Variants in PKP4 observed in about 807,000 individuals in gnomAD.
PKP4 encodes plakophilin-4.
A neutral mutation model predicts 145.1 loss-of-function variants in PKP4; 90 were observed. That is an observed-to-expected ratio of 0.62 (90% confidence interval 0.52 to 0.74). The LOEUF (loss-of-function observed/expected upper bound fraction) is 0.74, where lower values mean the gene tolerates loss of function less well. Ranked by LOEUF, PKP4 falls within the 30% of genes least tolerant of loss-of-function variation. The probability of loss-of-function intolerance (pLI) is 0.00; values close to 1 mark genes in which losing one functional copy is unlikely to be tolerated. For missense variants in PKP4, 1,340 were observed against 1,482.7 expected, an observed-to-expected ratio of 0.90 and a Z score of 1.58; for synonymous variants, 563 against 577.2, an observed-to-expected ratio of 0.98 and a Z score of 0.35.
chr2:158,492,942 A>T (rs1695160610), intron 1 of PKP4, among the ~76,000 whole-genome samples: 1 of 151,870 alleles, frequency 6.6e-6, no homozygotes, highest in Non-Finnish European at 1.5e-5. Context: ...TTTCCTCCCT[A>T]CCTAATAATA....
intron 3 of PKP4, among the ~76,000 whole-genome samples, chr2:158,580,907 A>G (rs1015411482): frequency 1.3e-5 from 2 of 152,156 alleles, no homozygotes; most frequent in African/African-American, 4.8e-5. Context: ...TTCCCTGTGC[A>G]TGTTAGCTGC....
intron 1 of PKP4, among the ~76,000 whole-genome samples, chr2:158,472,299 T>TGTAAAA (rs1164277813): frequency 4.4e-5 from 1 of 22,870 alleles, no homozygotes; most frequent in Non-Finnish European, 1.1e-4. Context: ...TTCTAAAAAA[T>TGTAAAA]TTAAAATGAA....
At chr2:158,531,489 G>A (rs568391603) in intron 1 of PKP4, among the ~76,000 whole-genome samples, 26 of 152,050 alleles carry the variant, frequency 1.7e-4, no homozygotes, top group Non-Finnish European at 2.9e-4. Context: ...GGATCTTTGT[G>A]TAGCATTTTT....
intron 2 of PKP4, among the ~76,000 whole-genome samples, chr2:158,552,877 T>TA (rs2045753177): frequency 6.6e-6 from 1 of 152,190 alleles, no homozygotes; most frequent in African/African-American, 2.4e-5. Context: ...AATAAGCACA[T>TA]ATTGTTGGAA....
intron 4 of PKP4, among the ~76,000 whole-genome samples, chr2:158,618,441 AAAT>A (rs1210265806): frequency 1.3e-5 from 2 of 152,150 alleles, no homozygotes; most frequent in Non-Finnish European, 2.9e-5. Flanking sequence ...TTGCATTAAA[AAAT>A]ATATGAAACA....
intron 9 of PKP4, among the ~76,000 whole-genome samples, chr2:158,638,495 C>T (rs546819708): frequency 6.6e-6 from 1 of 152,264 alleles, no homozygotes; most frequent in East Asian, 1.9e-4. Flanking sequence ...CTGCTGTTAT[C>T]CTGCCTCCCT....
intron 2 of PKP4, among the ~76,000 whole-genome samples, chr2:158,576,650 A>C (rs1169008586): frequency 2.0e-5 from 3 of 152,206 alleles, no homozygotes; most frequent in Non-Finnish European, 2.9e-5. Flanking sequence ...TATATTTTAA[A>C]TTCTATGTTA....
chr2:158,471,838 ACTT>A (rs1249216504), intron 1 of PKP4, among the ~76,000 whole-genome samples: 2 of 152,204 alleles, frequency 1.3e-5, no homozygotes, highest in African/African-American at 4.8e-5. Flanking sequence ...GCATTTAAAC[ACTT>A]CTGATTATTG....
rs190746355 is a variant in PKP4 at position 158,469,174 on chromosome 2, C to G, written c.-6+11956C>G. On this transcript the variant is annotated intron_variant, in intron 1 of 21. Coordinates refer to ENST00000389759, the MANE Select transcript of PKP4 (RefSeq NM_003628.6). ...GGGTGATCTCAGCTCACTGCAACCT[C>G]TGCCTCCTGGGTTCAAGCTATTCTC... 1.5e-3 allele frequency among the ~76,000 whole-genome samples: 228 copies of G among 152,118 alleles called. 2 individuals are homozygous for G. The highest frequency in any genetic ancestry group is 5.3e-3 in the African/African-American group (221 of 41,510).
chr2:158,577,641 A>G (rs1437499765), intron 3 of PKP4, among the ~76,000 whole-genome samples: 1 of 152,194 alleles, frequency 6.6e-6, no homozygotes, highest in Non-Finnish European at 1.5e-5. Context: ...TCATATGTAC[A>G]CACAGTTAAT....
chr2:158,639,341 T>C (rs75417018), intron 9 of PKP4, among the ~76,000 whole-genome samples: 4,513 of 151,834 alleles, frequency 0.03, 200 homozygotes, highest in East Asian at 0.18. Flanking sequence ...TGTGTGTGTG[T>C]GCGTGCGTGT....
At chr2:158,645,196 A>C (rs2528577) in intron 11 of PKP4, among the ~76,000 whole-genome samples, 117,458 of 152,192 alleles carry the variant, frequency 0.77, 48,479 homozygotes, top group East Asian at 0.97. Context: ...TTAATGCTTT[A>C]GCGCTTCTAA....
chr2:158,633,661 G>A (rs1389033040), intron 8 of PKP4, among the ~76,000 whole-genome samples: 1 of 152,158 alleles, frequency 6.6e-6, no homozygotes, highest in Non-Finnish European at 1.5e-5. Context: ...AGTAACCTGG[G>A]TACACGAAGT....
chr2:158,488,493 G>A (rs1387734098), intron 1 of PKP4, among the ~76,000 whole-genome samples: 1 of 152,072 alleles, frequency 6.6e-6, no homozygotes, highest in African/African-American at 2.4e-5. Context: ...TCTAAATAAT[G>A]TGGGGAAGCA....
intron 1 of PKP4, among the ~76,000 whole-genome samples, chr2:158,464,008 G>A (rs935870377): frequency 7.2e-5 from 11 of 152,114 alleles, no homozygotes; most frequent in Non-Finnish European, 1.2e-4. Context: ...CCTGACTTCT[G>A]GGACTTACTT....
intron 1 of PKP4, among the ~76,000 whole-genome samples, chr2:158,518,848 G>A (rs916232187): frequency 6.6e-6 from 1 of 152,174 alleles, no homozygotes; most frequent in Non-Finnish European, 1.5e-5. Context: ...TTGAGAAGGT[G>A]TCTGATGCTA....
At chr2:158,470,699 A>C (rs572617463) in intron 1 of PKP4, among the ~76,000 whole-genome samples, 196 of 152,328 alleles carry the variant, frequency 1.3e-3, no homozygotes, top group Non-Finnish European at 2.2e-3. Context: ...AACTGAGTTA[A>C]AAATGTTTAG....
chr2:158,514,926 G>A (rs1286741379), intron 1 of PKP4, among the ~76,000 whole-genome samples: 2 of 152,068 alleles, frequency 1.3e-5, no homozygotes, highest in Non-Finnish European at 2.9e-5. Context: ...GGGTGACAGA[G>A]TGAGACGCTG....
chr2:158,480,868 A>G (rs187546708), intron 1 of PKP4, among the ~76,000 whole-genome samples: 1 of 152,238 alleles, frequency 6.6e-6, no homozygotes, highest in East Asian at 1.9e-4. Flanking sequence ...GCAGTCATTT[A>G]CCATTTCTCT....
Sources: allele counts gnomAD v4.1 joint callset (sites outside exome capture counted in the v4.1 genomes callset), GRCh38; gene constraint gnomAD v4.1.1; transcripts MANE v1.5; gene names NCBI Gene and HGNC (gene_info 2026-07-23, HGNC 2026-07-21).